RAD18: variants seen among roughly 807,000 people sequenced by gnomAD.
RAD18 encodes the protein RAD18 E3 ubiquitin protein ligase.
Under a neutral mutation model 60.4 loss-of-function variants are expected in RAD18, and 47 were observed. The observed-to-expected ratio is 0.78, with a 90% CI of 0.62 to 0.99. RAD18 has a LOEUF of 0.99. Ranked by LOEUF, RAD18 falls within the 50% of genes least tolerant of loss-of-function variation. RAD18 has a pLI of 0.00. For missense variants in RAD18, 640 were observed against 593.3 expected, an observed-to-expected ratio of 1.08 and a Z score of -0.82; for synonymous variants, 225 against 195.5, an observed-to-expected ratio of 1.15 and a Z score of -1.26.
At chr3:8,924,411 G>A (rs1295488903) in intron 7 of RAD18, among the ~76,000 whole-genome samples, 109 of 144,124 alleles carry the variant, frequency 7.6e-4, no homozygotes, top group Non-Finnish European at 9.6e-4. Flanking sequence ...GATTCATAAA[G>A]CAAGTCCTTA....
chr3:8,939,484 A>G, intron 6 of RAD18, 70 bp downstream of exon 6: 1 of 1,279,440 alleles, frequency 7.8e-7, no homozygotes, highest in Non-Finnish European at 1.1e-6. Flanking sequence ...GGAATACTGT[A>G]ATTTTCCCCC....
intron 1 of RAD18, among the ~76,000 whole-genome samples, chr3:8,961,987 G>C (rs1941100946): frequency 6.6e-6 from 1 of 152,176 alleles, no homozygotes; most frequent in Non-Finnish European, 1.5e-5. Context: ...TTAACACAGT[G>C]CTAATAATAA....
At chr3:8,899,391 TAAG>T (rs1366249290) in intron 10 of RAD18, among the ~76,000 whole-genome samples, 2 of 152,084 alleles carry the variant, frequency 1.3e-5, no homozygotes, top group Admixed American at 6.5e-5. Flanking sequence ...CAAACCAACA[TAAG>T]AAGTATAACC....
At chr3:8,895,717 G>T (rs1377980678) in intron 11 of RAD18, among the ~76,000 whole-genome samples, 1 of 152,090 alleles carries the variant, frequency 6.6e-6, no homozygotes. Flanking sequence ...GATGTATACT[G>T]AGTTGGCCCA....
intron 9 of RAD18, among the ~76,000 whole-genome samples, chr3:8,910,465 T>C (rs1940087968): frequency 6.6e-6 from 1 of 151,992 alleles, no homozygotes; most frequent in Admixed American, 6.6e-5. Flanking sequence ...CCAGGCGTGG[T>C]GGCAGGCGCC....
intron 11 of RAD18, among the ~76,000 whole-genome samples, chr3:8,897,947 C>T (rs1939820792): frequency 6.6e-6 from 1 of 152,042 alleles, no homozygotes; most frequent in Admixed American, 6.6e-5. Flanking sequence ...TGGCACAGGC[C>T]TGTAATCCCA....
At position 8,912,311 on chromosome 3, in the gene RAD18, C is replaced by T. The variant is rs368820398; in HGVS notation, c.1027+1G>A. Reference sequence around the variant, plus strand: ...AAATTAAATAAAGTCGTGCAACTTACGATATTTACTGTGGATTTCATCTAT... The same window carrying T: ...AAATTAAATAAAGTCGTGCAACTTATGATATTTACTGTGGATTTCATCTAT... On this transcript the variant is annotated splice_donor_variant, in intron 9 of 12. Coordinates refer to ENST00000264926, the MANE Select transcript of RAD18 (RefSeq NM_020165.4). LOFTEE classifies it high-confidence loss of function. The T allele has an allele frequency of 3.9e-5, 60 of 1,553,506 alleles. No homozygotes were observed. The highest frequency in any genetic ancestry group is 9.4e-5 in the East Asian group (4 of 42,604).
intron 7 of RAD18, among the ~76,000 whole-genome samples, chr3:8,930,621 A>G (rs970180366): frequency 3.3e-5 from 5 of 152,194 alleles, no homozygotes; most frequent in African/African-American, 9.7e-5. Context: ...ATCACAAAAT[A>G]AATAAAAATA....
In RAD18 at chr3:8,947,294, G is replaced by C; in HGVS notation, c.196-4C>G. The stretch of plus-strand genomic sequence containing the variant: ...TCAGATCCGGCTCTGTGACAGTCTA[G>C]AAAAAACAAACAACAGATGGAAAAA... On this transcript the variant is annotated splice_region_variant and splice_polypyrimidine_tract_variant and intron_variant, in intron 3 of 12. Transcript: ENST00000264926. 6.3e-7 allele frequency: 1 copy of C among 1,598,158 alleles called. No individual in the cohort carries two copies. The highest frequency in any genetic ancestry group is 8.6e-7 in the Non-Finnish European group (1 of 1,168,422).
At chr3:8,954,939 C>T (rs1574828461) in intron 2 of RAD18, among the ~76,000 whole-genome samples, 2 of 151,778 alleles carry the variant, frequency 1.3e-5, no homozygotes, top group Non-Finnish European at 2.9e-5. Context: ...TGAGACTTCA[C>T]AAGTGAAAAA....
At chr3:8,888,961 G>C (rs1349700976) in intron 12 of RAD18, among the ~76,000 whole-genome samples, 1 of 152,172 alleles carries the variant, frequency 6.6e-6, no homozygotes, top group Non-Finnish European at 1.5e-5. Context: ...AGGTACAAGA[G>C]GAAAGTAGTT....
chr3:8,947,799 G>A (rs1197713129), intron 3 of RAD18, among the ~76,000 whole-genome samples: 1 of 152,214 alleles, frequency 6.6e-6, no homozygotes, highest in African/African-American at 2.4e-5. Flanking sequence ...GTCAAAAGCA[G>A]TGTAACATAT....
At chr3:8,935,588 G>A (rs547943108) in intron 7 of RAD18, among the ~76,000 whole-genome samples, 2 of 152,168 alleles carry the variant, frequency 1.3e-5, no homozygotes, top group African/African-American at 4.8e-5. Flanking sequence ...TGTAACCCAG[G>A]CTCTCCAGAT....
chr3:8,915,588 T>G (rs1422243294), intron 7 of RAD18, among the ~76,000 whole-genome samples: 1 of 150,036 alleles, frequency 6.7e-6, no homozygotes, highest in Non-Finnish European at 1.5e-5. Context: ...TATTTTCCTT[T>G]TTTTTTTTTT....
chr3:8,907,542 A>G (rs1191891987), intron 9 of RAD18, among the ~76,000 whole-genome samples: 1 of 152,066 alleles, frequency 6.6e-6, no homozygotes, highest in Non-Finnish European at 1.5e-5. Context: ...CCATGCCCCT[A>G]TCCTTTGCCC....
chr3:8,945,491 G>C (rs1487955308), intron 4 of RAD18, among the ~76,000 whole-genome samples: 1 of 11,322 alleles, frequency 8.8e-5, no homozygotes, highest in East Asian at 1.7e-3. Context: ...TTTTTTTTTT[G>C]AGACGGAGTC....
intron 4 of RAD18, among the ~76,000 whole-genome samples, chr3:8,945,856 T>C (rs570902368): frequency 6.6e-6 from 1 of 152,272 alleles, no homozygotes; most frequent in Non-Finnish European, 1.5e-5. Flanking sequence ...AATAAGGATA[T>C]AAAGAAAGAT....
At chr3:8,932,819 T>A (rs945305197) in intron 7 of RAD18, among the ~76,000 whole-genome samples, 8 of 152,114 alleles carry the variant, frequency 5.3e-5, no homozygotes, top group African/African-American at 1.9e-4. Context: ...ATGCACTGGC[T>A]GGGCACGGGG....
In RAD18 at chr3:8,907,268, T is replaced by C. The variant is rs546393756; in HGVS notation, c.1028-4748A>G. ...CAGTATCTTGAAAATTGCTATTTCA[T>C]ATGTTTTGTACATTCATTTTGCTTG... On this transcript the variant is annotated intron_variant, in intron 9 of 12. Transcript: ENST00000264926. Among the ~76,000 whole-genome samples the C allele has an allele frequency of 3.3e-5, 5 of 152,322 alleles. No individual in the cohort carries two copies. In the East Asian group the frequency reaches 5.8e-4, roughly 18 times the overall value.
Sources: allele counts gnomAD v4.1 joint callset (sites outside exome capture counted in the v4.1 genomes callset), GRCh38; gene constraint gnomAD v4.1.1; transcripts MANE v1.5; gene names NCBI Gene and HGNC (gene_info 2026-07-23, HGNC 2026-07-21).